The following COL24A1 variants were observed in gnomAD, a reference collection of about 807,000 sequenced individuals.
COL24A1 encodes collagen alpha-1(XXIV) chain.
In COL24A1, 224 loss-of-function variants were observed where a neutral mutation model predicts 253.9. The observed-to-expected ratio is 0.88, with a 90% CI of 0.79 to 0.99. The LOEUF (loss-of-function observed/expected upper bound fraction) is 0.99, where lower values mean the gene tolerates loss of function less well. COL24A1 is among the 50% of genes least tolerant of loss of function. The probability of loss-of-function intolerance (pLI) is 0.00; values close to 1 mark genes in which losing one functional copy is unlikely to be tolerated. For synonymous variants in COL24A1, 685 were observed against 673.7 expected (o/e 1.02, Z -0.26); for missense variants, 2,131 against 2,068.5 (o/e 1.03, Z -0.59).
Position 86,092,425 on chromosome 1 carries a change from TAAATA to T in COL24A1, c.1600-110_1600-106del, listed in dbSNP as rs767055930. The T allele has an allele frequency of 3.6e-5, 26 of 718,010 alleles. No individual in the cohort carries two copies. In the East Asian group the frequency reaches 3.9e-4, roughly 11 times the overall value. 44.5% of individuals were successfully genotyped at this position (718,010 alleles called of 1,614,324 possible). A position where few individuals can be genotyped will look rare whatever the true frequency, so the allele number is the denominator to read the frequency against. ...AGATGTTATATACATTATATGGTGT[TAAATA>T]AAATAATTTTACATTGAGATAGGCA... On this transcript the variant is annotated intron_variant, in intron 5 of 59. Transcript: ENST00000370571.
intron 45 of COL24A1, among the ~76,000 whole-genome samples, chr1:85,820,854 A>T (rs1340867619): frequency 2.6e-5 from 4 of 152,354 alleles, no homozygotes; most frequent in Non-Finnish European, 5.9e-5. Context: ...ACAGACTACT[A>T]GAGAAAGCAG....
At chr1:85,903,166 C>T (rs968652395) in intron 28 of COL24A1, among the ~76,000 whole-genome samples, 1 of 152,154 alleles carries the variant, frequency 6.6e-6, no homozygotes, top group Non-Finnish European at 1.5e-5. Context: ...TCTGTGCCCA[C>T]AGTGATGATA....
In COL24A1 at chr1:86,107,353, T is replaced by C. The variant is rs185061354; in HGVS notation, c.1599+5214A>G. ...AAAGAGATATCATACATAAAATAAGTGGCAGATATTAGATAAAAGAGGATT... is the reference window on the plus strand; with the variant it reads ...AAAGAGATATCATACATAAAATAAGCGGCAGATATTAGATAAAAGAGGATT... On this transcript the variant is annotated intron_variant, in intron 5 of 59. Transcript: ENST00000370571. Among the ~76,000 whole-genome samples, 27 of 152,242 alleles carry C rather than the reference T, an allele frequency of 1.8e-4. No individual in the cohort carries two copies. In the East Asian group the frequency reaches 5.2e-3, roughly 29 times the overall value.
chr1:86,068,901 A>G (rs2101824525), intron 7 of COL24A1, among the ~76,000 whole-genome samples: 1 of 152,166 alleles, frequency 6.6e-6, no homozygotes, highest in African/African-American at 2.4e-5. Context: ...CTTTGAAGGG[A>G]AGGGTCTAGT....
At chr1:85,745,328 C>T (rs1160450933) in intron 56 of COL24A1, 113 bp downstream of exon 56, 1 of 564,114 alleles carries the variant, frequency 1.8e-6, no homozygotes, top group African/African-American at 1.9e-5. Context: ...CATTTTCAAT[C>T]TGTTTTAAAT....
chr1:86,013,958 C>A (rs1192964858), intron 19 of COL24A1, among the ~76,000 whole-genome samples: 1 of 152,228 alleles, frequency 6.6e-6, no homozygotes, highest in Non-Finnish European at 1.5e-5. Context: ...ACTCCTGCAG[C>A]TCCTTTCTCC....
rs371706497 is a variant in COL24A1 at position 86,070,333 on chromosome 1, T to G, written c.1708-6574A>C. Among the ~76,000 whole-genome samples, 6 of 151,962 alleles carry G rather than the reference T, an allele frequency of 3.9e-5. No homozygotes were observed. In the South Asian group the frequency reaches 1.2e-3, roughly 32 times the overall value. On this transcript the variant is annotated intron_variant, in intron 7 of 59. Transcript: ENST00000370571. ...AAAACAATGAAGCACACCTACAAGA[T>G]GGAAAACAGCCTCAAAAGGGAAAAT...
At chr1:85,755,346 C>T (rs1666119939) in intron 55 of COL24A1, among the ~76,000 whole-genome samples, 1 of 152,120 alleles carries the variant, frequency 6.6e-6, no homozygotes, top group African/African-American at 2.4e-5. Flanking sequence ...AAACTTGAAT[C>T]CACCTGAAGA....
At chr1:85,854,482 C>T (rs1390133071) in intron 37 of COL24A1, among the ~76,000 whole-genome samples, 3 of 152,072 alleles carry the variant, frequency 2.0e-5, no homozygotes, top group Non-Finnish European at 2.9e-5. Flanking sequence ...TTTAGAATGG[C>T]TTTTGCTAAT....
chr1:85,799,243 G>GA (rs376305483), intron 47 of COL24A1, among the ~76,000 whole-genome samples: 3 of 137,114 alleles, frequency 2.2e-5, no homozygotes, highest in Non-Finnish European at 5.0e-5. Flanking sequence ...AAGAAAGAAA[G>GA]AAAGAAAAGA....
At chr1:86,020,679 C>A (rs1409181847) in intron 18 of COL24A1, among the ~76,000 whole-genome samples, 1 of 151,962 alleles carries the variant, frequency 6.6e-6, no homozygotes, top group African/African-American at 2.4e-5. Flanking sequence ...ATCATTTCAT[C>A]CTATTTGGTC....
In COL24A1 at chr1:85,786,419, G is replaced by A. The variant is rs1054865337; in HGVS notation, c.3994C>T (p.Pro1332Ser). The change falls in exon 48 of 60, where the codon CCA (proline) becomes TCA (serine). Residue 1332 changes from proline (P) to serine (S), a missense_variant. Pro to Ser is a moderately conservative substitution (Grantham distance 74, BLOSUM62 -1). Coordinates refer to ENST00000370571, the MANE Select transcript of COL24A1 (RefSeq NM_152890.7). The part of the protein sequence containing the change: ...GPGRTGLAGA[P>S]GPPGVKGSSG... Reference sequence around the variant, plus strand: ...GAACCCTTTACTCCTGGAGGACCTGGAGCCCCAGCAAGACCTGTTCTTCCT... The same window carrying A: ...GAACCCTTTACTCCTGGAGGACCTGAAGCCCCAGCAAGACCTGTTCTTCCT... 3 of 1,613,438 alleles carry A rather than the reference G, an allele frequency of 1.9e-6. No homozygotes were observed. The highest frequency in any genetic ancestry group is 1.7e-4 in the Middle Eastern group (1 of 6,052).
chr1:85,992,898 T>A (rs1694421826), intron 19 of COL24A1, among the ~76,000 whole-genome samples: 1 of 152,138 alleles, frequency 6.6e-6, no homozygotes, highest in South Asian at 2.1e-4. Context: ...CCACCAATTT[T>A]TACCAAGAAG....
chr1:85,730,820 C>A (rs1663402185), intron 59 of COL24A1, 128 bp from the exon 60 acceptor site: 2 of 881,276 alleles, frequency 2.3e-6, no homozygotes, highest in African/African-American at 1.7e-5. Context: ...GTGCCTAGAA[C>A]AATGCTCAAT....
At chr1:86,026,724 A>C (rs1698063368) in intron 14 of COL24A1, among the ~76,000 whole-genome samples, 1 of 152,226 alleles carries the variant, frequency 6.6e-6, no homozygotes. Context: ...TGCTATAAAG[A>C]TACCTGGAAA....
At chr1:85,890,794 C>T (rs1416938028) in intron 31 of COL24A1, among the ~76,000 whole-genome samples, 1 of 151,972 alleles carries the variant, frequency 6.6e-6, no homozygotes, top group East Asian at 1.9e-4. Context: ...GCCTTTAAAC[C>T]CTGGCAAGGC....
chr1:86,022,891 T>G lies in COL24A1; in HGVS notation c.2104-14A>C. ...CCCTGAAAGGCCCTACAAAAAAAGG[T>G]GACATTTTGTGATATCATAGACAGA... On this transcript the variant is annotated splice_polypyrimidine_tract_variant and intron_variant, in intron 15 of 59. Transcript: ENST00000370571. 1 of 1,608,446 alleles carries G rather than the reference T, an allele frequency of 6.2e-7. No homozygotes were observed. Among genetic ancestry groups the G allele is most frequent in the Non-Finnish European group, 8.5e-7 (1 of 1,177,034 alleles).
chr1:86,051,987 C>T (rs1700339602), intron 10 of COL24A1, among the ~76,000 whole-genome samples: 1 of 151,798 alleles, frequency 6.6e-6, no homozygotes, highest in South Asian at 2.1e-4. Flanking sequence ...GTCTGAAGGA[C>T]AGATATGTCT....
At chr1:86,149,002 C>T (rs1200329898) in intron 1 of COL24A1, among the ~76,000 whole-genome samples, 1 of 152,154 alleles carries the variant, frequency 6.6e-6, no homozygotes, top group Non-Finnish European at 1.5e-5. Flanking sequence ...CACATCCTCT[C>T]CAGCACCTGT....
Sources: gnomAD v4.1 joint callset for allele counts (sites outside exome capture counted in the v4.1 genomes callset) on GRCh38, gnomAD v4.1.1 for gene constraint, MANE v1.5 for transcripts, NCBI Gene and HGNC (gene_info 2026-07-23, HGNC 2026-07-21) for gene names.